The following MRTFA variants were observed in gnomAD, a reference collection of about 807,000 sequenced individuals.
MRTFA encodes myocardin related transcription factor A, also known as myocardin-related transcription factor A.
MRTFA carries 20 observed loss-of-function variants against 83.5 expected under a neutral mutation model. The ratio of observed to expected loss-of-function variants is 0.24; its 90% CI spans 0.17 to 0.35. MRTFA has a LOEUF of 0.35. Ranked by LOEUF, MRTFA falls within the 10% of genes least tolerant of loss-of-function variation. MRTFA has a pLI of 1.00. For synonymous variants in MRTFA, 659 were observed against 541.2 expected, an observed-to-expected ratio of 1.22 and a Z score of -3.02; for missense variants, 1,200 against 1,224.7, an observed-to-expected ratio of 0.98 and a Z score of 0.30.
At chr22:40,446,874 C>T (rs2053388177) in intron 4 of MRTFA, among the ~76,000 whole-genome samples, 1 of 152,042 alleles carries the variant, frequency 6.6e-6, no homozygotes, top group African/African-American at 2.4e-5. Flanking sequence ...TGTGTCGGAC[C>T]CTGTTTTAGT....
chr22:40,608,506 C>A (rs930686900), intron 1 of MRTFA, among the ~76,000 whole-genome samples: 5 of 152,160 alleles, frequency 3.3e-5, no homozygotes, highest in Non-Finnish European at 5.9e-5. Flanking sequence ...TTACAGTGCA[C>A]CAGGTGCTGT....
chr22:40,451,099 T>C (rs1411941598), intron 4 of MRTFA, among the ~76,000 whole-genome samples: 1 of 152,238 alleles, frequency 6.6e-6, no homozygotes, highest in Non-Finnish European at 1.5e-5. Context: ...GTAGCTTTTT[T>C]CCTTTATTAC....
intron 9 of MRTFA, among the ~76,000 whole-genome samples, chr22:40,422,273 T>C (rs1404976259): frequency 6.6e-6 from 1 of 151,894 alleles, no homozygotes; most frequent in African/African-American, 2.4e-5. Flanking sequence ...AGGAGCACAG[T>C]GGTGGGGATG....
At chr22:40,578,590 G>A (rs1332504042) in intron 2 of MRTFA, among the ~76,000 whole-genome samples, 5 of 152,044 alleles carry the variant, frequency 3.3e-5, no homozygotes, top group Non-Finnish European at 7.4e-5. Context: ...AATGTAGTGA[G>A]ACCCCACTCC....
intron 2 of MRTFA, among the ~76,000 whole-genome samples, chr22:40,576,493 TA>T (rs1230690868): frequency 2.0e-5 from 3 of 152,218 alleles, no homozygotes; most frequent in African/African-American, 7.2e-5. Context: ...ATTTACACCA[TA>T]AATTTACTTT....
In MRTFA at chr22:40,418,616, G is replaced by A. The variant is rs770361363; in HGVS notation, c.2122C>T (p.His708Tyr). Residue 708 changes from histidine (H) to tyrosine (Y), a missense_variant, in exon 12 of 15, where the codon CAC (histidine) becomes TAC (tyrosine). Physicochemically the swap from His to Tyr is moderately conservative, Grantham distance 83 (BLOSUM62 2). This residue lies in a region of MRTFA where 1,107 missense variants were observed against 1,041.8 expected (regional missense o/e 1.06). Coordinates refer to ENST00000355630, the MANE Select transcript of MRTFA (RefSeq NM_020831.6). ...GGGGCCACAGCACAAGGGTCTATGT[G>A]GTTGGTGGCTGGGGCCGCCAGGCTG... 2 of 1,534,408 alleles carry A rather than the reference G, an allele frequency of 1.3e-6. No individual in the cohort carries two copies. The highest frequency in any genetic ancestry group is 1.7e-6 in the Non-Finnish European group (2 of 1,146,854).
At chr22:40,626,915 G>A (rs2056589361) in intron 1 of MRTFA, among the ~76,000 whole-genome samples, 2 of 149,900 alleles carry the variant, frequency 1.3e-5, no homozygotes. Flanking sequence ...TAAAGCCAAA[G>A]TTTCAACCAT....
At chr22:40,447,164 T>G (rs1332627144) in intron 4 of MRTFA, among the ~76,000 whole-genome samples, 1 of 151,692 alleles carries the variant, frequency 6.6e-6, no homozygotes, top group African/African-American at 2.4e-5. Flanking sequence ...AAGACCAGCC[T>G]GGGCAATATA....
intron 4 of MRTFA, among the ~76,000 whole-genome samples, chr22:40,447,786 C>T (rs1218280633): frequency 2.6e-5 from 4 of 152,194 alleles, no homozygotes; most frequent in African/African-American, 9.7e-5. Context: ...AAATGACTTT[C>T]CTGAGATCAC....
At chr22:40,553,526 C>T (rs1050798843) in intron 2 of MRTFA, among the ~76,000 whole-genome samples, 1 of 152,204 alleles carries the variant, frequency 6.6e-6, no homozygotes, top group Admixed American at 6.5e-5. Context: ...AGCCCAAAAC[C>T]TCAGCAGCCG....
chr22:40,587,965 A>C (rs2056056880), intron 2 of MRTFA: 2 of 340,618 alleles, frequency 5.9e-6, no homozygotes, highest in South Asian at 7.8e-5. Flanking sequence ...CCCCTTTTTC[A>C]GAGTACACTG....
rs369992148 is a variant in MRTFA at position 40,629,243 on chromosome 22, A to G, written c.-84+7235T>C. ...CGGATCACTTGAAGTCAGGAGTTTG[A>G]GACCAGCCTGTCCAATATGGTGAAA... is the stretch of plus-strand genomic sequence containing the variant. On this transcript the variant is annotated intron_variant, in intron 1 of 14. Coordinates refer to ENST00000355630, the MANE Select transcript of MRTFA (RefSeq NM_020831.6). Among the ~76,000 whole-genome samples, 280 of 151,882 alleles carry G rather than the reference A, an allele frequency of 1.8e-3. 2 individuals are homozygous for G. The highest frequency in any genetic ancestry group is 6.3e-3 in the African/African-American group (259 of 41,380).
At position 40,424,308 on chromosome 22, in the gene MRTFA, G is replaced by A. The variant is rs752403534; in HGVS notation, c.675C>T (p.Pro225=). Reference sequence around the variant, plus strand: ...GGGACTCATGGCTGGCAGGCTGCTCGGGGGATAAGGCATCGCTGCTGTCCT... The same window carrying A: ...GGGACTCATGGCTGGCAGGCTGCTCAGGGGATAAGGCATCGCTGCTGTCCT... Residue 225 remains proline (P), a synonymous_variant, in exon 8 of 15, where the codon CCC becomes CCT. Coordinates refer to ENST00000355630, the MANE Select transcript of MRTFA (RefSeq NM_020831.6). The A allele has an allele frequency of 1.9e-5, 31 of 1,612,712 alleles. No individual in the cohort carries two copies. The highest frequency in any genetic ancestry group is 5.0e-5 in the Admixed American group (3 of 59,718).
chr22:40,482,614 A>G (rs1318174949), intron 3 of MRTFA, among the ~76,000 whole-genome samples: 1 of 151,902 alleles, frequency 6.6e-6, no homozygotes, highest in Non-Finnish European at 1.5e-5. Context: ...CCATCTGAAC[A>G]CTCCCTTCCA....
At chr22:40,628,472 G>A (rs1480281157) in intron 1 of MRTFA, among the ~76,000 whole-genome samples, 1 of 152,120 alleles carries the variant, frequency 6.6e-6, no homozygotes, top group Non-Finnish European at 1.5e-5. Context: ...ACAAAGACCT[G>A]TAAATAGCCT....
At chr22:40,424,461 C>T in intron 7 of MRTFA, 80 bp from the exon 8 acceptor site, 2 of 1,453,132 alleles carry the variant, frequency 1.4e-6, no homozygotes, top group Non-Finnish European at 1.9e-6. Flanking sequence ...TCGCAGGCCA[C>T]AGGCAGAGTG....
intron 4 of MRTFA, among the ~76,000 whole-genome samples, chr22:40,456,619 A>T (rs2147139036): frequency 6.6e-6 from 1 of 152,336 alleles, no homozygotes; most frequent in East Asian, 1.9e-4. Context: ...GCCAGGAGGC[A>T]GAGGTTGCAG....
intron 3 of MRTFA, among the ~76,000 whole-genome samples, chr22:40,475,696 T>C (rs1461130228): frequency 6.6e-6 from 1 of 152,178 alleles, no homozygotes; most frequent in African/African-American, 2.4e-5. Context: ...ACATTAAAAA[T>C]AAAAAGAATT....
chr22:40,569,424 CT>C (rs2055752721), intron 2 of MRTFA: 1 of 170,778 alleles, frequency 5.9e-6, no homozygotes, highest in Non-Finnish European at 1.3e-5. Context: ...GCAATGACTG[CT>C]AAAGGAGGTA....
Sources: gnomAD v4.1 joint callset for allele counts (sites outside exome capture counted in the v4.1 genomes callset) on GRCh38, gnomAD v4.1.1 for gene constraint, gnomAD v4.1.1 regional missense constraint, MANE v1.5 for transcripts, NCBI Gene and HGNC (gene_info 2026-07-23, HGNC 2026-07-21) for gene names.